The following RP1 variants were observed in gnomAD, a reference collection of about 807,000 sequenced individuals.
The protein encoded by RP1 is oxygen-regulated protein 1.
In RP1, 16 loss-of-function variants were observed where a neutral mutation model predicts 14.8. The observed-to-expected ratio is 1.08, with a 90% CI of 0.73 to 1.65. RP1 has a LOEUF of 1.65. Ranked by LOEUF, RP1 falls within the 40% of genes most tolerant of loss-of-function variation. The probability of loss-of-function intolerance (pLI) is 0.00; values close to 1 mark genes in which losing one functional copy is unlikely to be tolerated. For synonymous variants in RP1, 876 were observed against 883.6 expected (o/e 0.99, Z 0.15); for missense variants, 2,631 against 2,535.0 (o/e 1.04, Z -0.81).
intron 25 of RP1, among the ~76,000 whole-genome samples, chr8:54,851,489 G>A (rs1251887284): frequency 6.6e-6 from 1 of 152,144 alleles, no homozygotes; most frequent in Non-Finnish European, 1.5e-5. Context: ...CATCATACTT[G>A]TTTTCATGAA....
chr8:54,683,164 C>A (rs1161261269), intron 12 of RP1, among the ~76,000 whole-genome samples: 4 of 152,012 alleles, frequency 2.6e-5, no homozygotes, highest in Non-Finnish European at 5.9e-5. Context: ...CTATATATAT[C>A]TGTTTTGGTA....
chr8:54,837,618 G>T, exon 25 of RP1: 1 of 1,231,916 alleles, frequency 8.1e-7, no homozygotes, highest in Non-Finnish European at 1.0e-6. Context: ...AAATGATGGC[G>T]ATCTATGGAA....
chr8:54,728,192 G>T (rs1442390965), intron 17 of RP1, among the ~76,000 whole-genome samples: 1 of 152,122 alleles, frequency 6.6e-6, no homozygotes, highest in Admixed American at 6.5e-5. Context: ...ATGTCTTTAT[G>T]TATGAATATT....
At chr8:54,865,828 G>T in intron 27 of RP1, 1 of 1,175,708 alleles carries the variant, frequency 8.5e-7, no homozygotes, top group South Asian at 4.3e-5. Flanking sequence ...TTTGTCAACT[G>T]ACACAGGTAA....
chr8:54,826,731 A>T (rs2129399282), intron 24 of RP1, among the ~76,000 whole-genome samples: 1 of 152,380 alleles, frequency 6.6e-6, no homozygotes, highest in South Asian at 2.1e-4. Flanking sequence ...AAAAAAGACC[A>T]TTAAAAGGAT....
intron 24 of RP1, among the ~76,000 whole-genome samples, chr8:54,789,540 T>G (rs912219763): frequency 1.3e-5 from 2 of 152,168 alleles, no homozygotes; most frequent in African/African-American, 4.8e-5. Context: ...TGTCCCTGCC[T>G]GACCAGGGAG....
intron 15 of RP1, among the ~76,000 whole-genome samples, chr8:54,714,527 TGAAGACAGCAA>T (rs1329728727): frequency 1.3e-5 from 2 of 152,144 alleles, no homozygotes; most frequent in Non-Finnish European, 2.9e-5. Flanking sequence ...ACCCAGGAAC[TGAAGACAGCAA>T]GAAGACAGCT....
intron 27 of RP1, among the ~76,000 whole-genome samples, chr8:54,864,532 A>C (rs1210050651): frequency 6.6e-6 from 1 of 152,152 alleles, no homozygotes; most frequent in African/African-American, 2.4e-5. Flanking sequence ...ATGTTTTGAA[A>C]AAATGTTTAC....
At chr8:54,674,260 G>A (rs1028470784) in intron 8 of RP1, among the ~76,000 whole-genome samples, 5 of 152,088 alleles carry the variant, frequency 3.3e-5, no homozygotes, top group African/African-American at 1.2e-4. Context: ...GGCAGCAGTC[G>A]TATCTCCTGG....
chr8:54,855,260 G>A (rs1028504239), intron 26 of RP1, among the ~76,000 whole-genome samples: 4 of 152,136 alleles, frequency 2.6e-5, no homozygotes, highest in East Asian at 1.9e-4. Flanking sequence ...AGACTGAGTA[G>A]TATTCCATTG....
chr8:54,638,707 GT>G (rs1806399737), intron 3 of RP1, among the ~76,000 whole-genome samples: 1 of 151,940 alleles, frequency 6.6e-6, no homozygotes, highest in Non-Finnish European at 1.5e-5. Flanking sequence ...TGGTTTGTTT[GT>G]TTTTGCTACA....
At chr8:54,580,804 A>G (rs1804772645) in intron 1 of RP1, among the ~76,000 whole-genome samples, 1 of 151,618 alleles carries the variant, frequency 6.6e-6, no homozygotes, top group South Asian at 2.1e-4. Flanking sequence ...TTTTTAGTAG[A>G]GACGGGGTTT....
intron 23 of RP1, among the ~76,000 whole-genome samples, chr8:54,776,048 T>C (rs1810029796): frequency 6.6e-6 from 1 of 152,110 alleles, no homozygotes; most frequent in Admixed American, 6.6e-5. Flanking sequence ...AAAATAACAA[T>C]ATAACAACAG....
chr8:54,759,717 C>T (rs1370940374), intron 22 of RP1, among the ~76,000 whole-genome samples: 2 of 152,168 alleles, frequency 1.3e-5, no homozygotes, highest in East Asian at 1.9e-4. Context: ...CTTTACTGAG[C>T]CCTGCTGTTT....
intron 12 of RP1, among the ~76,000 whole-genome samples, chr8:54,691,637 C>T (rs2129339523): frequency 6.6e-6 from 1 of 151,996 alleles, no homozygotes; most frequent in Non-Finnish European, 1.5e-5. Context: ...GAACGGTAGT[C>T]ATTTAAAGAT....
intron 27 of RP1, among the ~76,000 whole-genome samples, chr8:54,862,730 G>A (rs985618720): frequency 6.6e-6 from 1 of 152,036 alleles, no homozygotes; most frequent in Non-Finnish European, 1.5e-5. Context: ...CTGCAACACT[G>A]TCTTTTGAGC....
chr8:54,658,942 GT>G (rs1438840127), intron 6 of RP1, among the ~76,000 whole-genome samples: 2 of 149,376 alleles, frequency 1.3e-5, no homozygotes, highest in South Asian at 2.1e-4. Flanking sequence ...GTTTTTCATT[GT>G]GGTTTTCATT....
intron 12 of RP1, among the ~76,000 whole-genome samples, chr8:54,697,700 C>A (rs549806993): frequency 2.6e-5 from 4 of 152,300 alleles, no homozygotes; most frequent in African/African-American, 9.6e-5. Context: ...GATATGTAGA[C>A]CAATGAAACA....
chr8:54,627,853 A>C lies in RP1; in HGVS notation c.3971A>C (p.Glu1324Ala). Reference protein sequence around the residue: ...ACAQKENHTYEGACPIDETYV... With the variant: ...ACAQKENHTYAGACPIDETYV... ...GCTCAAAAGGAGAACCATACCTATG[A>C]GGGAGCTTGCCCAATTGATGAGACC... is the stretch of plus-strand genomic sequence containing the variant. The change falls in exon 4 of 4, where the codon GAG becomes GCG. Residue 1324 changes from glutamate (E) to alanine (A), a missense_variant. Glu to Ala is a moderately radical substitution (Grantham distance 107). Transcript: ENST00000220676. The C allele has an allele frequency of 6.2e-7, 1 of 1,614,174 alleles. No homozygotes were observed. Among genetic ancestry groups the C allele is most frequent in the Non-Finnish European group, 8.5e-7 (1 of 1,179,988 alleles).
Sources: gnomAD v4.1 joint callset for allele counts (sites outside exome capture counted in the v4.1 genomes callset) on GRCh38, gnomAD v4.1.1 for gene constraint, MANE v1.5 for transcripts, NCBI Gene and HGNC (gene_info 2026-07-23, HGNC 2026-07-21) for gene names.